CTNNA2: variants seen among roughly 807,000 people sequenced by gnomAD.
CTNNA2 encodes the protein catenin alpha-2.
CTNNA2 carries 42 observed loss-of-function variants against 101.0 expected under a neutral mutation model. The observed-to-expected ratio is 0.42, with a 90% CI of 0.32 to 0.54. The LOEUF is 0.54. Among genes scored for constraint, CTNNA2 ranks in the 20% least tolerant of loss-of-function variants. CTNNA2 has a pLI of 0.14. For missense variants in CTNNA2, 871 were observed against 1,223.1 expected, an observed-to-expected ratio of 0.71 and a Z score of 4.29; for synonymous variants, 450 against 456.4, an observed-to-expected ratio of 0.99 and a Z score of 0.18.
intron 2 of CTNNA2, among the ~76,000 whole-genome samples, chr2:79,247,242 G>A (rs939663988): frequency 2.6e-5 from 4 of 152,192 alleles, no homozygotes; most frequent in African/African-American, 9.7e-5. Flanking sequence ...AGCCCAACAT[G>A]CATTGTGGAA....
chr2:79,807,725 T>C (rs1676690135), intron 3 of CTNNA2, among the ~76,000 whole-genome samples: 1 of 152,216 alleles, frequency 6.6e-6, no homozygotes, highest in African/African-American at 2.4e-5. Context: ...AATCATTTAC[T>C]GAAGTTACAG....
rs145742992 is a variant in CTNNA2, at chr2:80,547,189, A to G, written c.1540+1126A>G. On this transcript the variant is annotated intron_variant, in intron 11 of 18. Transcript: ENST00000402739. ...GGCTTGTCTGAGAACTGTGTAGTCA[A>G]ATCTGTAGATTTGATGGATAATCAA... is the stretch of plus-strand genomic sequence containing the variant. 9.2e-5 allele frequency among the ~76,000 whole-genome samples: 14 copies of G among 152,350 alleles called. 2 individuals are homozygous for G. Among genetic ancestry groups the G allele is most frequent in the African/African-American group, 3.4e-4 (14 of 41,588 alleles).
At chr2:80,305,180 G>A (rs1676799966) in intron 7 of CTNNA2, 1 of 985,172 alleles carries the variant, frequency 1.0e-6, no homozygotes, top group South Asian at 4.7e-5. Context: ...AAGATTTTTG[G>A]GGTTTTTTCC....
chr2:79,652,254 T>A (rs1314342182), intron 2 of CTNNA2, among the ~76,000 whole-genome samples: 1 of 143,798 alleles, frequency 7.0e-6, no homozygotes, highest in Admixed American at 6.8e-5. Context: ...TTTTTTTTTT[T>A]ACCAAATTAT....
At chr2:80,475,830 G>A (rs1273398373) in intron 9 of CTNNA2, among the ~76,000 whole-genome samples, 3 of 151,806 alleles carry the variant, frequency 2.0e-5, no homozygotes, top group Non-Finnish European at 4.4e-5. Context: ...GAATGAAGGG[G>A]AAAGAAAAAA....
chr2:80,099,111 G>A (rs1457627926), intron 7 of CTNNA2, among the ~76,000 whole-genome samples: 1 of 151,816 alleles, frequency 6.6e-6, no homozygotes, highest in Non-Finnish European at 1.5e-5. Context: ...GCTGGGAGCT[G>A]TAGCCTGGAG....
intron 7 of CTNNA2, among the ~76,000 whole-genome samples, chr2:80,008,549 G>A (rs1018351053): frequency 6.6e-6 from 1 of 152,148 alleles, no homozygotes; most frequent in African/African-American, 2.4e-5. Flanking sequence ...ATGCATGGGA[G>A]GAACCGAGGA....
intron 3 of CTNNA2, among the ~76,000 whole-genome samples, chr2:79,337,956 G>T (rs1005652506): frequency 9.2e-5 from 14 of 151,940 alleles, no homozygotes; most frequent in African/African-American, 3.4e-4. Context: ...TAAAACATTG[G>T]TAGTCAGGGC....
intron 15 of CTNNA2, 147 bp downstream of exon 15, chr2:80,589,632 G>C: frequency 1.5e-6 from 1 of 681,644 alleles, no homozygotes; most frequent in African/African-American, 1.8e-5. Context: ...AAGTCAAAAT[G>C]ATCTGCACTT....
chr2:80,599,880 C>A (rs1310788961), intron 15 of CTNNA2, among the ~76,000 whole-genome samples: 1 of 150,962 alleles, frequency 6.6e-6, no homozygotes, highest in Non-Finnish European at 1.5e-5. Context: ...CCCATTAACT[C>A]GTCATTTAGC....
intron 7 of CTNNA2, chr2:80,027,970 CT>C (rs1445542829): frequency 1.7e-5 from 1 of 60,064 alleles, no homozygotes. Context: ...GAGACCCTGT[CT>C]CAAAAAAAAA....
chr2:80,634,534 A>G (rs1672659873), intron 18 of CTNNA2, among the ~76,000 whole-genome samples: 1 of 146,554 alleles, frequency 6.8e-6, no homozygotes, highest in Non-Finnish European at 1.5e-5. Context: ...CCATTTTGAT[A>G]GATTTGGATT....
At chr2:80,215,447 A>G (rs193082567) in intron 7 of CTNNA2, among the ~76,000 whole-genome samples, 252 of 152,230 alleles carry the variant, frequency 1.7e-3, no homozygotes, top group African/African-American at 5.7e-3. Context: ...TTTGGTGTGG[A>G]TGTCCTTTCT....
chr2:80,229,744 C>A (rs1162086245), intron 7 of CTNNA2, among the ~76,000 whole-genome samples: 2 of 152,166 alleles, frequency 1.3e-5, no homozygotes, highest in South Asian at 2.1e-4. Flanking sequence ...ATTCCCATGG[C>A]AACCAGTCTC....
At chr2:80,465,267 G>T (rs1684757992) in intron 9 of CTNNA2, among the ~76,000 whole-genome samples, 1 of 152,174 alleles carries the variant, frequency 6.6e-6, no homozygotes, top group African/African-American at 2.4e-5. Context: ...TATGCATTTT[G>T]TGATCAAGGG....
intron 7 of CTNNA2, among the ~76,000 whole-genome samples, chr2:80,277,515 A>G (rs1484862617): frequency 1.4e-5 from 2 of 143,032 alleles, no homozygotes; most frequent in African/African-American, 5.1e-5. Context: ...AGGGAAAAAG[A>G]GCTCAGTGGG....
At position 79,418,065 on chromosome 2, in the gene CTNNA2, T is replaced by C. The variant is rs565085622; in HGVS notation, c.-135+44052T>C. 2.6e-5 allele frequency among the ~76,000 whole-genome samples: 4 copies of C among 152,000 alleles called. No individual in the cohort carries two copies. In the East Asian group the frequency reaches 7.8e-4, roughly 30 times the overall value. On this transcript the variant is annotated intron_variant, in intron 4 of 21. Transcript: ENST00000466387. Reference sequence around the variant, plus strand: ...GAGTGCTGATTGCTTGGATGAGAGATGAAATCATAGGGAGTTGAAGCTGTC... The same window carrying C: ...GAGTGCTGATTGCTTGGATGAGAGACGAAATCATAGGGAGTTGAAGCTGTC...
At chr2:80,405,242 C>A (rs1020097857) in intron 8 of CTNNA2, among the ~76,000 whole-genome samples, 1 of 152,126 alleles carries the variant, frequency 6.6e-6, no homozygotes. Flanking sequence ...ACGATCGCTG[C>A]AATTCTTCAG....
chr2:79,531,738 A>G (rs1446001962), intron 1 of CTNNA2, among the ~76,000 whole-genome samples: 3 of 151,506 alleles, frequency 2.0e-5, no homozygotes, highest in African/African-American at 7.3e-5. Context: ...CTGGAGTGCA[A>G]TGGCATGATC....
Sources: allele counts gnomAD v4.1 joint callset (sites outside exome capture counted in the v4.1 genomes callset), GRCh38; gene constraint gnomAD v4.1.1; transcripts MANE v1.5; gene names NCBI Gene and HGNC (gene_info 2026-07-23, HGNC 2026-07-21).